CSF1: variants seen among roughly 807,000 people sequenced by gnomAD.
The protein encoded by CSF1 is colony stimulating factor 1, also known as macrophage colony-stimulating factor 1.
Under a neutral mutation model 48.9 loss-of-function variants are expected in CSF1, and 9 were observed. The ratio of observed to expected loss-of-function variants is 0.18; its 90% CI spans 0.11 to 0.32. The LOEUF (loss-of-function observed/expected upper bound fraction) is 0.32. Among genes scored for constraint, CSF1 ranks in the 10% least tolerant of loss-of-function variants. The pLI is 1.00. For synonymous variants in CSF1, 305 were observed against 284.1 expected, an observed-to-expected ratio of 1.07 and a Z score of -0.74; for missense variants, 672 against 697.9, an observed-to-expected ratio of 0.96 and a Z score of 0.42.
intron 3 of CSF1, 111 bp downstream of exon 3, chr1:109,915,807 G>T (rs748805519): frequency 1.5e-5 from 14 of 920,554 alleles, no homozygotes; most frequent in Non-Finnish European, 2.1e-5. Context: ...GAAAGGGTGA[G>T]AGTGTGAGGA....
chr1:109,926,859 T>G (rs1647864811), intron 8 of CSF1: 1 of 152,254 alleles, frequency 6.6e-6, no homozygotes, highest in Non-Finnish European at 1.5e-5. Context: ...TTTTTTTGTG[T>G]TTCTTTTTCC....
intron 4 of CSF1, among the ~76,000 whole-genome samples, chr1:109,919,714 C>A (rs1288105068): frequency 1.3e-5 from 2 of 150,584 alleles, no homozygotes; most frequent in Non-Finnish European, 3.0e-5. Context: ...AATCCTGGCA[C>A]TTTGGGAGGC....
In CSF1 at chr1:109,910,914, TC is replaced by T. The variant is rs1654649208; in HGVS notation, c.-107del. The T allele has an allele frequency of 2.6e-6, 2 of 769,618 alleles. No individual in the cohort carries two copies. Among genetic ancestry groups the T allele is most frequent in the South Asian group, 5.1e-5 (1 of 19,572 alleles). The allele number at this position is 769,618 out of a possible 1,614,324, so 47.7% of individuals were successfully genotyped here. ...CTCGGCGCCAGAGCCGCTCTCCGCA[TC>T]CCAGGACAGCGGTGCGGCCCTCGGC... On this transcript the variant is annotated 5_prime_UTR_variant, in exon 1 of 9. Transcript: ENST00000329608.
At chr1:109,911,228 C>A (rs1654670125) in intron 1 of CSF1, among the ~76,000 whole-genome samples, 166 bp downstream of exon 1, 1 of 152,052 alleles carries the variant, frequency 6.6e-6, no homozygotes, top group African/African-American at 2.4e-5. Context: ...TGGGCCCTGG[C>A]GCCAGGGCGG....
Position 109,923,886 on chromosome 1 carries a change from A to G in CSF1, c.1265A>G (p.Gln422Arg). ...AGCAACCCCTCCACCCTCTCTGCTC[A>G]GCCACAGCTTTCCAGAAGCCACTCC... Reference protein sequence around the residue: ...GLSNPSTLSAQPQLSRSHSSG... With the variant: ...GLSNPSTLSARPQLSRSHSSG... The change falls in exon 6 of 9, where the codon CAG becomes CGG. Residue 422 changes from glutamine (Q) to arginine (R), a missense_variant. Transcript: ENST00000329608. 1 of 1,614,092 alleles carries G rather than the reference A, an allele frequency of 6.2e-7. No individual in the cohort carries two copies. The highest frequency in any genetic ancestry group is 1.1e-5 in the South Asian group (1 of 91,092).
chr1:109,910,753 G>A, upstream of CSF1: 2 of 239,740 alleles, frequency 8.3e-6, no homozygotes, highest in East Asian at 1.0e-4. Context: ...GTGTGTGTGT[G>A]TGTATGTGTG....
chr1:109,922,418 C>T (rs892323925), intron 5 of CSF1: 40 of 162,362 alleles, frequency 2.5e-4, no homozygotes, highest in African/African-American at 9.1e-4. Context: ...AGCTCTGCTG[C>T]GAATCACCAT....
In CSF1 at chr1:109,923,889, C is replaced by T; in HGVS notation, c.1268C>T (p.Pro423Leu). 1 of 1,614,134 alleles carries T rather than the reference C, an allele frequency of 6.2e-7. No individual in the cohort carries two copies. Among genetic ancestry groups the T allele is most frequent in the Non-Finnish European group, 8.5e-7 (1 of 1,179,940 alleles). ...LSNPSTLSAQ[P>L]QLSRSHSSGS... ...AACCCCTCCACCCTCTCTGCTCAGC[C>T]ACAGCTTTCCAGAAGCCACTCCTCG... Residue 423 changes from proline (P) to leucine (L), a missense_variant, in exon 6 of 9, where the codon CCA becomes CTA. Pro to Leu is a moderately conservative substitution (Grantham distance 98, BLOSUM62 -3). This residue lies in a region of CSF1 where 591 missense variants were observed against 593.6 expected (regional missense o/e 1.00). Transcript: ENST00000329608.
chr1:109,930,078 C>G lies in CSF1; in HGVS notation c.*1240C>G, dbSNP rs926518826. 2 of 152,316 alleles carry G rather than the reference C, an allele frequency of 1.3e-5. No homozygotes were observed. The highest frequency in any genetic ancestry group is 4.8e-5 in the African/African-American group (2 of 41,440). 9.4% of individuals were successfully genotyped at this position (152,316 alleles called of 1,614,324 possible). A position where few individuals can be genotyped will look rare whatever the true frequency, so the allele number is the denominator to read the frequency against. On this transcript the variant is annotated 3_prime_UTR_variant, in exon 9 of 9. Coordinates refer to ENST00000329608, the MANE Select transcript of CSF1 (RefSeq NM_000757.6). ...CCAAACCCCAGCGCAGTGTCCTTTC[C>G]CTGCTGCCGACAGGAACCTGGGGCT...
chr1:109,911,640 G>C (rs949777020), intron 1 of CSF1, among the ~76,000 whole-genome samples: 14 of 152,216 alleles, frequency 9.2e-5, no homozygotes, highest in Admixed American at 5.2e-4. Flanking sequence ...TGGCTGTTTG[G>C]GGGGTGGGGT....
chr1:109,911,662 A>G (rs1383287313), intron 1 of CSF1, among the ~76,000 whole-genome samples: 3 of 152,200 alleles, frequency 2.0e-5, no homozygotes, highest in Non-Finnish European at 4.4e-5. Context: ...GGGGACGGCA[A>G]CAGCCGGCAA....
At chr1:109,924,878 A>T (rs1210521674) in intron 7 of CSF1, 50 bp downstream of exon 7, 25 of 1,562,330 alleles carry the variant, frequency 1.6e-5, no homozygotes, top group Non-Finnish European at 2.1e-5. Flanking sequence ...CTGGCTTGGG[A>T]TCTGTTTCCC....
At chr1:109,928,526 T>A (rs1000530365) in intron 8 of CSF1, among the ~76,000 whole-genome samples, 5 of 152,168 alleles carry the variant, frequency 3.3e-5, no homozygotes, top group African/African-American at 1.2e-4. Flanking sequence ...CCCGCTTCGC[T>A]CCTTGTCAGA....
chr1:109,918,067 T>G (rs1484298990), intron 4 of CSF1, among the ~76,000 whole-genome samples: 1 of 152,180 alleles, frequency 6.6e-6, no homozygotes, highest in African/African-American at 2.4e-5. Flanking sequence ...AACAGGGAAC[T>G]CAGACTTCCA....
Position 109,924,026 on chromosome 1 carries a change from C to T in CSF1, c.1405C>T (p.Pro469Ser). 1.9e-6 allele frequency: 3 copies of T among 1,614,222 alleles called. No homozygotes were observed. The highest frequency in any genetic ancestry group is 2.5e-6 in the Non-Finnish European group (3 of 1,180,038). Residue 469 changes from proline (P) to serine (S), a missense_variant, in exon 6 of 9, where the codon CCC (proline) becomes TCC (serine). This residue lies in a region of CSF1 where 591 missense variants were observed against 593.6 expected (regional missense o/e 1.00). Transcript: ENST00000329608. The stretch of plus-strand genomic sequence containing the variant: ...AAGTGAAGGGGCAGCCAGGCCCCTG[C>T]CCCGTTTTAACTCCGTTCCTTTGAC... ...PASEGAARPL[P>S]RFNSVPLTDT...
chr1:109,924,736 T>C, intron 6 of CSF1, 40 bp from the exon 7 acceptor site: 2 of 1,544,872 alleles, frequency 1.3e-6, no homozygotes, highest in Middle Eastern at 1.7e-4. Context: ...CCCCCCACAC[T>C]CCCCCAGCTC....
rs1647569042 is a variant in CSF1 at position 109,922,001 on chromosome 1, A to G, written c.544+7A>G. ...GCTGAATGCTCCAGCCAAGGTAAGCATGGCAGGGGCCAGCAAGTGTGTGGG... is the reference window on the plus strand; with the variant it reads ...GCTGAATGCTCCAGCCAAGGTAAGCGTGGCAGGGGCCAGCAAGTGTGTGGG... On this transcript the variant is annotated splice_region_variant and intron_variant, in intron 5 of 8. Transcript: ENST00000329608. The G allele has an allele frequency of 8.2e-6, 13 of 1,589,588 alleles. No individual in the cohort carries two copies. The highest frequency in any genetic ancestry group is 2.3e-5 in the East Asian group (1 of 44,192).
chr1:109,917,199 G>T lies in CSF1; in HGVS notation c.226-94G>T, dbSNP rs988967887. ...TGGTGTGGTCCCTCCCCTGGGGGAAGGGGGAGAGCAAGCTGCAACCCTCCA... is the reference window on the plus strand; with the variant it reads ...TGGTGTGGTCCCTCCCCTGGGGGAATGGGGAGAGCAAGCTGCAACCCTCCA... On this transcript the variant is annotated intron_variant, in intron 3 of 8. Coordinates refer to ENST00000329608, the MANE Select transcript of CSF1 (RefSeq NM_000757.6). 2.3e-5 allele frequency: 31 copies of T among 1,349,830 alleles called. No individual in the cohort carries two copies. In the South Asian group the frequency reaches 4.0e-4, roughly 17 times the overall value. 83.6% of individuals were successfully genotyped at this position (1,349,830 alleles called of 1,614,324 possible). A position where few individuals can be genotyped will look rare whatever the true frequency, so the allele number is the denominator to read the frequency against.
rs1648013847 is a variant in CSF1, at chr1:109,930,265, A to C, written c.*1427A>C. 6.6e-6 allele frequency: 1 copy of C among 152,196 alleles called. No individual in the cohort carries two copies. Among genetic ancestry groups the C allele is most frequent in the Non-Finnish European group, 1.5e-5 (1 of 68,094 alleles). 9.4% of individuals were successfully genotyped at this position (152,196 alleles called of 1,614,324 possible). On this transcript the variant is annotated 3_prime_UTR_variant, in exon 9 of 9. Transcript: ENST00000329608. ...ACCCCCTCTACCATCACCTCTAACC[A>C]GGCAAGCCAGGGTGGGAGAGCAATC...
Sources: allele counts gnomAD v4.1 joint callset (sites outside exome capture counted in the v4.1 genomes callset), GRCh38; gene constraint gnomAD v4.1.1; regional missense constraint gnomAD v4.1.1; transcripts MANE v1.5; gene names NCBI Gene and HGNC (gene_info 2026-07-23, HGNC 2026-07-21).